TBX4: variants seen among roughly 807,000 people sequenced by gnomAD.
The protein encoded by TBX4 is T-box transcription factor 4.
In TBX4, 13 loss-of-function variants were observed where a neutral mutation model predicts 54.6. That is an observed-to-expected ratio of 0.24 (90% CI 0.15 to 0.38). The LOEUF is 0.38. Ranked by LOEUF, TBX4 falls within the 10% of genes least tolerant of loss-of-function variation. TBX4 has a pLI of 1.00. For missense variants in TBX4, 631 were observed against 728.5 expected, an observed-to-expected ratio of 0.87 and a Z score of 1.54; for synonymous variants, 314 against 306.7, an observed-to-expected ratio of 1.02 and a Z score of -0.25.
At chr17:61,458,321 C>T (rs2060469847) in intron 3 of TBX4, among the ~76,000 whole-genome samples, 1 of 137,206 alleles carries the variant, frequency 7.3e-6, no homozygotes. Context: ...GTGAGAGATT[C>T]GCTGGGGCTG....
intron 5 of TBX4, among the ~76,000 whole-genome samples, chr17:61,473,425 C>A (rs1810671865): frequency 6.6e-6 from 1 of 152,216 alleles, no homozygotes. Flanking sequence ...ATGAGAAACT[C>A]CTGAAGGGGG....
Position 61,479,974 on chromosome 17 carries a change from G to T in TBX4, c.791+5G>T. The stretch of plus-strand genomic sequence containing the variant: ...GCGTGTGGCCCGACTGCAGAGGTGG[G>T]GCTGCGTAGCCTGGGGGTGGGGCGG... On this transcript the variant is annotated splice_donor_5th_base_variant and intron_variant, in intron 7 of 8. Coordinates refer to ENST00000644296, the MANE Select transcript of TBX4 (RefSeq NM_001321120.2). This position sits in a 1 kb window ranked among gnomAD's most constrained non-coding sequence, Gnocchi z 6.1. 6.2e-7 allele frequency: 1 copy of T among 1,614,036 alleles called. No individual in the cohort carries two copies. Among genetic ancestry groups the T allele is most frequent in the South Asian group, 1.1e-5 (1 of 91,058 alleles).
chr17:61,467,929 T>C (rs984082293), intron 5 of TBX4, among the ~76,000 whole-genome samples: 28 of 152,234 alleles, frequency 1.8e-4, no homozygotes, highest in African/African-American at 6.8e-4. Context: ...TGACCACATG[T>C]ACCTTTCATG....
At position 61,457,661 on chromosome 17, in the gene TBX4, T is replaced by C; in HGVS notation, c.281+30T>C. 6.2e-6 allele frequency: 10 copies of C among 1,608,464 alleles called. No individual in the cohort carries two copies. The highest frequency in any genetic ancestry group is 8.5e-6 in the Non-Finnish European group (10 of 1,175,708). On this transcript the variant is annotated intron_variant, in intron 3 of 8. Transcript: ENST00000644296. The surrounding 1 kb of genome is among the most constrained non-coding windows in gnomAD (Gnocchi z 8.2). ...GCGCTGGGAGATTTACTTCCGGGGA[T>C]GGCGGTGGGGAGCAAGGGGGGCCAG...
chr17:61,458,189 G>A (rs1001336242), intron 3 of TBX4, among the ~76,000 whole-genome samples: 1 of 152,022 alleles, frequency 6.6e-6, no homozygotes, highest in Non-Finnish European at 1.5e-5. Flanking sequence ...AGCGGCTCTC[G>A]GTGGCTGCCA....
intron 5 of TBX4, among the ~76,000 whole-genome samples, chr17:61,470,725 T>C (rs1276882481): frequency 6.6e-6 from 1 of 152,176 alleles, no homozygotes; most frequent in East Asian, 1.9e-4. Flanking sequence ...TGGCCTGAAT[T>C]CAGCTTTGCT....
At position 61,480,026 on chromosome 17, in the gene TBX4, C is replaced by T. The variant is rs1395220535; in HGVS notation, c.791+57C>T. ...CAGATGGGATTCAGGCACGTGGCCTCTGTGACCCTCGATGTATCTTCACTC... is the reference window on the plus strand; with the variant it reads ...CAGATGGGATTCAGGCACGTGGCCTTTGTGACCCTCGATGTATCTTCACTC... On this transcript the variant is annotated intron_variant, in intron 7 of 8. Transcript: ENST00000644296. The surrounding 1 kb of genome is among the most constrained non-coding windows in gnomAD (Gnocchi z 6.2). 5.6e-6 allele frequency: 9 copies of T among 1,612,392 alleles called. No individual in the cohort carries two copies. The highest frequency in any genetic ancestry group is 5.9e-6 in the Non-Finnish European group (7 of 1,178,498).
Position 61,484,667 on chromosome 17 carries a change from G to A in TBX4, c.*1151G>A, listed in dbSNP as rs1013976668. 1 of 151,898 alleles carries A rather than the reference G, an allele frequency of 6.6e-6. No individual in the cohort carries two copies. The highest frequency in any genetic ancestry group is 6.6e-5 in the Admixed American group (1 of 15,236). 9.4% of individuals were successfully genotyped at this position (151,898 alleles called of 1,614,324 possible). A position where few individuals can be genotyped will look rare whatever the true frequency, so the allele number is the denominator to read the frequency against. Reference sequence around the variant, plus strand: ...CATTGAATACCACCAGGCCATCAGTGTGGCTGGGGTGAACTCTCCATCAAA... The same window carrying A: ...CATTGAATACCACCAGGCCATCAGTATGGCTGGGGTGAACTCTCCATCAAA... On this transcript the variant is annotated 3_prime_UTR_variant, in exon 9 of 9. Coordinates refer to ENST00000644296, the MANE Select transcript of TBX4 (RefSeq NM_001321120.2). This position sits in a 1 kb window ranked among gnomAD's most constrained non-coding sequence, Gnocchi z 4.1.
At chr17:61,468,766 A>G (rs2060554385) in intron 5 of TBX4, among the ~76,000 whole-genome samples, 1 of 152,360 alleles carries the variant, frequency 6.6e-6, no homozygotes, top group Admixed American at 6.5e-5. Context: ...TGGGTTTCCC[A>G]TACAGGGCAG....
At position 61,456,508 on chromosome 17, in the gene TBX4, C is replaced by T. The variant is rs752448330; in HGVS notation, c.18C>T (p.Gly6=). 1.9e-6 allele frequency: 3 copies of T among 1,569,014 alleles called. No homozygotes were observed. The highest frequency in any genetic ancestry group is 1.2e-5 in the South Asian group (1 of 85,156). ...CGCAGGAGATGCTGCAGGATAAGGGCCTGTCCGAGAGCGAGGAGGCCTTCC... is the reference window on the plus strand; with the variant it reads ...CGCAGGAGATGCTGCAGGATAAGGGTCTGTCCGAGAGCGAGGAGGCCTTCC... The part of the protein sequence containing the change: MLQDK[G]LSESEEAFRA... The change falls in exon 2 of 9, where the codon GGC becomes GGT. Residue 6 remains glycine (G), a synonymous_variant. Coordinates refer to ENST00000644296, the MANE Select transcript of TBX4 (RefSeq NM_001321120.2).
Position 61,482,917 on chromosome 17 carries a change from G to T in TBX4, c.1042G>T (p.Asp348Tyr), listed in dbSNP as rs779069209. The T allele has an allele frequency of 5.6e-6, 9 of 1,613,782 alleles. No homozygotes were observed. Among genetic ancestry groups the T allele is most frequent in the Non-Finnish European group, 6.8e-6 (8 of 1,179,904 alleles). ...KRRADGTRHLDLPCKRSYLEA... is the reference protein window; with the variant it reads ...KRRADGTRHLYLPCKRSYLEA... Reference sequence around the variant, plus strand: ...TTCAGCAGACGGTACCCGCCACCTGGACTTACCTTGCAAGCGATCCTATCT... The same window carrying T: ...TTCAGCAGACGGTACCCGCCACCTGTACTTACCTTGCAAGCGATCCTATCT... Residue 348 changes from aspartate to tyrosine, a missense_variant, in exon 9 of 9, where the codon GAC (aspartate) becomes TAC (tyrosine). Coordinates refer to ENST00000644296, the MANE Select transcript of TBX4 (RefSeq NM_001321120.2).
In TBX4 at chr17:61,464,576, G is replaced by A. The variant is rs2060522054; in HGVS notation, c.282-1243G>A. On this transcript the variant is annotated intron_variant, in intron 3 of 8. Transcript: ENST00000644296. The surrounding 1 kb of genome is among the most constrained non-coding windows in gnomAD (Gnocchi z 5.8). ...AGCCGGGCAGTGGCACAGCTCAGTG[G>A]GGCTTAGTGTCTTCACTGTGTCTTC... Among the ~76,000 whole-genome samples, 1 of 152,172 alleles carries A rather than the reference G, an allele frequency of 6.6e-6. No individual in the cohort carries two copies. Among genetic ancestry groups the A allele is most frequent in the South Asian group, 2.1e-4 (1 of 4,826 alleles).
At chr17:61,469,004 C>T (rs1048722471) in intron 5 of TBX4, among the ~76,000 whole-genome samples, 4 of 152,152 alleles carry the variant, frequency 2.6e-5, no homozygotes, top group Non-Finnish European at 5.9e-5. Context: ...TGGCCCACGA[C>T]GGCACACACA....
At position 61,464,491 on chromosome 17, in the gene TBX4, C is replaced by T. The variant is rs949435705; in HGVS notation, c.282-1328C>T. On this transcript the variant is annotated intron_variant, in intron 3 of 8. Transcript: ENST00000644296. The surrounding 1 kb of genome is among the most constrained non-coding windows in gnomAD (Gnocchi z 5.8). Reference sequence around the variant, plus strand: ...ATCTTGGACAGCTTCTCCAGGGTCCCGTACTGTCTTGGGTTAGTGAGAGGC... The same window carrying T: ...ATCTTGGACAGCTTCTCCAGGGTCCTGTACTGTCTTGGGTTAGTGAGAGGC... The T allele has an allele frequency of 2.0e-5, 3 of 152,420 alleles. No individual in the cohort carries two copies. The highest frequency in any genetic ancestry group is 1.3e-4 in the Admixed American group (2 of 15,284). The allele number at this position is 152,420 out of a possible 1,614,324, so 9.4% of individuals were successfully genotyped here.
At chr17:61,453,118 G>A (rs2060425326) in intron 1 of TBX4, 1 of 511,368 alleles carries the variant, frequency 2.0e-6, no homozygotes, top group Non-Finnish European at 2.5e-6. Flanking sequence ...ACCAAAGAAA[G>A]GGCTAATCGG....
At chr17:61,467,784 A>T in intron 5 of TBX4, 127 bp downstream of exon 5, 1 of 1,204,690 alleles carries the variant, frequency 8.3e-7, no homozygotes, top group Non-Finnish European at 1.2e-6. Context: ...CTCACTGACC[A>T]GTTTAGGGAA....
chr17:61,479,936 A>T lies in TBX4; in HGVS notation c.758A>T (p.Asp253Val), dbSNP rs754907416. The change falls in exon 7 of 9, where the codon GAT (aspartate) becomes GTT (valine). Residue 253 changes from aspartate to valine, a missense_variant. By Grantham distance (152) the Asp-to-Val change is radical. This residue lies in a region of TBX4 where 154 missense variants were observed against 238.6 expected (regional missense o/e 0.65). Coordinates refer to ENST00000644296, the MANE Select transcript of TBX4 (RefSeq NM_001321120.2). The surrounding 1 kb of genome is among the most constrained non-coding windows in gnomAD (Gnocchi z 6.1). ...NPFAKGFRGS[D>V]DSDLRVARLQ... Reference sequence around the variant, plus strand: ...TTTGCCAAGGGATTCCGGGGCAGTGATGACAGTGACCTGCGTGTGGCCCGA... The same window carrying T: ...TTTGCCAAGGGATTCCGGGGCAGTGTTGACAGTGACCTGCGTGTGGCCCGA... 1 of 1,614,098 alleles carries T rather than the reference A, an allele frequency of 6.2e-7. No homozygotes were observed. The highest frequency in any genetic ancestry group is 2.2e-5 in the East Asian group (1 of 44,866).
At position 61,456,478 on chromosome 17, in the gene TBX4, G is replaced by A; in HGVS notation, c.-3-10G>A. On this transcript the variant is annotated splice_polypyrimidine_tract_variant and intron_variant, in intron 1 of 8. Coordinates refer to ENST00000644296, the MANE Select transcript of TBX4 (RefSeq NM_001321120.2). ...CTGGGCGAGTGACTCGTTGTGTGCTGTGCCCGCAGGAGATGCTGCAGGATA... is the reference window on the plus strand; with the variant it reads ...CTGGGCGAGTGACTCGTTGTGTGCTATGCCCGCAGGAGATGCTGCAGGATA... 1 of 1,564,830 alleles carries A rather than the reference G, an allele frequency of 6.4e-7. No individual in the cohort carries two copies. The highest frequency in any genetic ancestry group is 8.7e-7 in the Non-Finnish European group (1 of 1,155,036).
Position 61,480,626 on chromosome 17 carries a change from T to G in TBX4, c.1021+307T>G, listed in dbSNP as rs1207294080. Among the ~76,000 whole-genome samples the G allele has an allele frequency of 6.6e-6, 1 of 152,136 alleles. No homozygotes were observed. Among genetic ancestry groups the G allele is most frequent in the Non-Finnish European group, 1.5e-5 (1 of 68,030 alleles). ...TCACTGCTCTGAGAGCCTCGTGGGG[T>G]GAGCTGGGCTCTGCCTGGAAGTGCA... On this transcript the variant is annotated intron_variant, in intron 8 of 8. Coordinates refer to ENST00000644296, the MANE Select transcript of TBX4 (RefSeq NM_001321120.2). This position sits in a 1 kb window ranked among gnomAD's most constrained non-coding sequence, Gnocchi z 6.2.
Sources: gnomAD v4.1 joint callset for allele counts (sites outside exome capture counted in the v4.1 genomes callset) on GRCh38, gnomAD v4.1.1 for gene constraint, gnomAD v4.1.1 regional missense constraint, Gnocchi (gnomAD v3.1) non-coding constraint, MANE v1.5 for transcripts, NCBI Gene and HGNC (gene_info 2026-07-23, HGNC 2026-07-21) for gene names.